RIMS2: variants seen among roughly 807,000 people sequenced by gnomAD.
The protein encoded by RIMS2 is regulating synaptic membrane exocytosis 2.
A neutral mutation model predicts 174.4 loss-of-function variants in RIMS2; 59 were observed. The ratio of observed to expected loss-of-function variants is 0.34; its 90% CI spans 0.27 to 0.42. The LOEUF (loss-of-function observed/expected upper bound fraction) is 0.42. RIMS2 is among the 10% of genes least tolerant of loss of function. The pLI, the probability that RIMS2 is intolerant of heterozygous loss-of-function variation, is 1.00. For missense variants in RIMS2, 1,620 were observed against 1,666.3 expected (o/e 0.97, Z 0.48); for synonymous variants, 606 against 572.5 (o/e 1.06, Z -0.84).
At chr8:103,990,229 C>CTTTA (rs1365200406) in intron 17 of RIMS2, among the ~76,000 whole-genome samples, 8 of 151,940 alleles carry the variant, frequency 5.3e-5, no homozygotes, top group Admixed American at 1.3e-4. Context: ...TTTAAATAAG[C>CTTTA]TGATATGAGA....
At chr8:104,093,153 C>T in intron 19 of RIMS2, among the ~76,000 whole-genome samples, 1 of 152,026 alleles carries the variant, frequency 6.6e-6, no homozygotes, top group Non-Finnish European at 1.5e-5. Context: ...TCTACTTCCT[C>T]ATATTAAGCC....
At chr8:103,594,378 G>A (rs998735238) in intron 1 of RIMS2, among the ~76,000 whole-genome samples, 1 of 151,478 alleles carries the variant, frequency 6.6e-6, no homozygotes, top group East Asian at 1.9e-4. Flanking sequence ...TTTCATTCAG[G>A]CATGAATCAT....
intron 3 of RIMS2, among the ~76,000 whole-genome samples, chr8:103,780,291 A>G (rs954004315): frequency 2.0e-5 from 3 of 152,134 alleles, no homozygotes; most frequent in African/African-American, 7.2e-5. Flanking sequence ...TGTATTTCTC[A>G]AGTTTTGGAA....
chr8:103,638,394 T>C (rs2096140876), intron 1 of RIMS2, among the ~76,000 whole-genome samples: 1 of 152,116 alleles, frequency 6.6e-6, no homozygotes, highest in South Asian at 2.1e-4. Flanking sequence ...ATGATGACTT[T>C]CTATTTTCTT....
intron 19 of RIMS2, among the ~76,000 whole-genome samples, chr8:104,179,715 T>G (rs964586122): frequency 2.6e-5 from 4 of 151,264 alleles, no homozygotes; most frequent in African/African-American, 9.7e-5. Context: ...ATTACCTTGT[T>G]TTTTTTTTCC....
chr8:104,243,086 G>C (rs992315630), intron 19 of RIMS2, among the ~76,000 whole-genome samples: 3 of 152,166 alleles, frequency 2.0e-5, no homozygotes, highest in Admixed American at 1.3e-4. Flanking sequence ...CTAATATTCT[G>C]CTGTAAAGAA....
chr8:104,149,099 A>G (rs578023942), intron 19 of RIMS2, among the ~76,000 whole-genome samples: 2 of 152,208 alleles, frequency 1.3e-5, no homozygotes, highest in Admixed American at 6.5e-5. Flanking sequence ...CTCAGGGAGG[A>G]GTTACGCTGT....
At chr8:103,953,937 A>C (rs757278029) in intron 14 of RIMS2, among the ~76,000 whole-genome samples, 8 of 152,174 alleles carry the variant, frequency 5.3e-5, no homozygotes, top group Non-Finnish European at 1.0e-4. Context: ...AGCAAAAAAA[A>C]AGCAGGGGTT....
intron 4 of RIMS2, chr8:103,910,038 C>A: frequency 1.5e-6 from 1 of 683,258 alleles, no homozygotes; most frequent in Non-Finnish European, 2.6e-6. Context: ...TTCTTGAGAC[C>A]AGACAGGATC....
chr8:104,022,572 G>A (rs554593272), intron 19 of RIMS2, among the ~76,000 whole-genome samples: 14 of 152,058 alleles, frequency 9.2e-5, no homozygotes, highest in African/African-American at 3.1e-4. Flanking sequence ...AGTAAAGACG[G>A]GTTTCACTAC....
chr8:103,537,746 G>A (rs529109735), intron 1 of RIMS2, among the ~76,000 whole-genome samples: 1 of 152,198 alleles, frequency 6.6e-6, no homozygotes, highest in South Asian at 2.1e-4. Flanking sequence ...TAGTCAGGTA[G>A]TATTCCCTGA....
intron 19 of RIMS2, among the ~76,000 whole-genome samples, chr8:104,100,405 C>T (rs187924333): frequency 7.9e-5 from 12 of 152,142 alleles, no homozygotes; most frequent in African/African-American, 2.9e-4. Context: ...GATAGTTTTA[C>T]TTTCTCTTTC....
intron 1 of RIMS2, among the ~76,000 whole-genome samples, chr8:103,663,870 C>G (rs1255144132): frequency 6.6e-6 from 1 of 152,192 alleles, no homozygotes; most frequent in African/African-American, 2.4e-5. Context: ...ATCACACTAC[C>G]TGACTTCAAA....
chr8:103,963,464 TATTC>T (rs1334647267), intron 15 of RIMS2, among the ~76,000 whole-genome samples: 3 of 152,214 alleles, frequency 2.0e-5, no homozygotes, highest in African/African-American at 7.2e-5. Flanking sequence ...TCGACTAACT[TATTC>T]AGTTTTTCTA....
chr8:104,025,323 C>T (rs2096227423), intron 19 of RIMS2, among the ~76,000 whole-genome samples: 2 of 151,846 alleles, frequency 1.3e-5, no homozygotes, highest in Admixed American at 6.6e-5. Context: ...CTACCAAAAA[C>T]AAAAAAATTT....
chr8:104,072,124 G>A (rs2097207036), intron 19 of RIMS2, among the ~76,000 whole-genome samples: 1 of 152,112 alleles, frequency 6.6e-6, no homozygotes, highest in South Asian at 2.1e-4. Context: ...ATTTCTTGAT[G>A]TGGAACTATC....
intron 2 of RIMS2, among the ~76,000 whole-genome samples, chr8:103,733,093 C>T (rs2097628965): frequency 6.6e-6 from 1 of 152,088 alleles, no homozygotes; most frequent in Non-Finnish European, 1.5e-5. Flanking sequence ...CAGGTATTGC[C>T]TGGCTTCCAC....
intron 4 of RIMS2, among the ~76,000 whole-genome samples, chr8:103,893,331 G>T (rs370784243): frequency 6.6e-6 from 1 of 152,148 alleles, no homozygotes; most frequent in African/African-American, 2.4e-5. Flanking sequence ...TCTGGGGTAG[G>T]CTTTTATTTT....
chr8:103,720,030 T>C (rs796521567), intron 2 of RIMS2, among the ~76,000 whole-genome samples: 23 of 152,338 alleles, frequency 1.5e-4, no homozygotes, highest in African/African-American at 5.0e-4. Context: ...TTAACTTTTA[T>C]TGTAGAAGAA....
Sources: gnomAD v4.1 joint callset for allele counts (sites outside exome capture counted in the v4.1 genomes callset) on GRCh38, gnomAD v4.1.1 for gene constraint, MANE v1.5 for transcripts, NCBI Gene and HGNC (gene_info 2026-07-23, HGNC 2026-07-21) for gene names.